MUC20: variants seen among roughly 807,000 people sequenced by gnomAD.
MUC20 encodes mucin-20.
MUC20 carries 14 observed loss-of-function variants against 23.8 expected under a neutral mutation model. The ratio of observed to expected loss-of-function variants is 0.59; its 90% confidence interval spans 0.39 to 0.92. The LOEUF is 0.92. Ranked by LOEUF, MUC20 falls within the 40% of genes least tolerant of loss-of-function variation. The pLI, the probability that MUC20 is intolerant of heterozygous loss-of-function variation, is 0.00. For synonymous variants in MUC20, 166 were observed against 279.3 expected (o/e 0.59, Z 4.04); for missense variants, 375 against 668.8 (o/e 0.56, Z 4.85).
chr3:195,726,732 C>A (rs781257181), intron 2 of MUC20, among the ~76,000 whole-genome samples, 160 bp downstream of exon 2: 5 of 152,212 alleles, frequency 3.3e-5, no homozygotes, highest in Admixed American at 3.3e-4. Context: ...TTGGCGAAAT[C>A]AGGAAAAGGC....
At chr3:195,730,423 G>T (rs1006396119) in intron 3 of MUC20, among the ~76,000 whole-genome samples, 1 of 152,226 alleles carries the variant, frequency 6.6e-6, no homozygotes, top group African/African-American at 2.4e-5. Context: ...TCAGCTCACT[G>T]CAAGCTCCGC....
intron 2 of MUC20, among the ~76,000 whole-genome samples, chr3:195,728,253 C>T (rs572110394): frequency 1.3e-5 from 2 of 152,280 alleles, no homozygotes; most frequent in Non-Finnish European, 2.9e-5. Context: ...GCACCGGCAC[C>T]AGTCTCTGAG....
Position 195,726,448 on chromosome 3 carries a change from C to A in MUC20, c.1845C>A (p.Thr615=), listed in dbSNP as rs376180538. The change falls in exon 2 of 4, where the codon ACC becomes ACA. Residue 615 remains threonine (T), a synonymous_variant. Coordinates refer to ENST00000447234, the MANE Select transcript of MUC20 (RefSeq NM_001282506.2). ...TTCCTTCTGTCCCTCCGACTACAAC[C>A]AACAGCAGCCGAGGGACGAACAGCA... ...DPLPSVPPTT[T]NSSRGTNSTL... is the part of the protein sequence containing the mutation. 166 of 1,614,040 alleles carry A rather than the reference C, an allele frequency of 1.0e-4. No individual in the cohort carries two copies. Among genetic ancestry groups the A allele is most frequent in the Admixed American group, 5.2e-4 (31 of 60,034 alleles).
At chr3:195,728,616 TTCCTCTATCTCAACTGCAAGAGGAGA>T (rs1712999226) in intron 2 of MUC20, among the ~76,000 whole-genome samples, 1 of 151,470 alleles carries the variant, frequency 6.6e-6, no homozygotes, top group African/African-American at 2.4e-5. Context: ...GACAGTGGCC[TTCCTCTATCTCAACTGCAAGAGGAGA>T]TCCTCTTTTA....
chr3:195,729,691 C>G lies in MUC20; in HGVS notation c.2013C>G (p.Ser671=), dbSNP rs1424575559. The G allele has an allele frequency of 3.8e-6, 6 of 1,596,154 alleles. No homozygotes were observed. The South Asian group carries it at 4.5e-5, about 12-fold the overall frequency. The part of the protein sequence containing the change: ...GFLLLRLSVA[S]PEDLTDPRVA... ...TCCTCCTGCGGCTGAGTGTGGCTTC[C>G]CCGGAAGACCTCACTGACCCCAGAG... Residue 671 remains serine, a synonymous_variant, in exon 3 of 4, where the codon TCC becomes TCG. Transcript: ENST00000447234.
At chr3:195,731,400 G>T (rs1713373661) in intron 3 of MUC20, among the ~76,000 whole-genome samples, 1 of 152,260 alleles carries the variant, frequency 6.6e-6, no homozygotes, top group African/African-American at 2.4e-5. Context: ...TGGAGAGTGG[G>T]ATCCTTTGTT....
intron 3 of MUC20, 28 bp from the exon 4 acceptor site, chr3:195,733,122 A>G (rs771017359): frequency 3.5e-5 from 55 of 1,569,084 alleles, no homozygotes; most frequent in Non-Finnish European, 4.4e-5. Context: ...GATGGGCTGA[A>G]AGGACAGCTG....
intron 2 of MUC20, among the ~76,000 whole-genome samples, chr3:195,727,957 G>A (rs184830214): frequency 2.8e-5 from 4 of 143,814 alleles, no homozygotes; most frequent in African/African-American, 1.2e-4. Flanking sequence ...CACCAGCTTT[G>A]CATATGTTAT....
chr3:195,725,965 C>T lies in MUC20; in HGVS notation c.1362C>T (p.Ser454=), dbSNP rs7651458. 6.8e-3 allele frequency: 10,883 copies of T among 1,608,446 alleles called. 65 individuals are homozygous for T. The African/African-American group carries it at 0.13, about 19-fold the overall frequency. The stretch of plus-strand genomic sequence containing the variant: ...CCACGGAAGGGGTGAAGGCCTCGTC[C>T]ACCTCCGATCCACCAGCTCTGCCTG... ...LIPTEGVKAS[S]TSDPPALPDS... The change falls in exon 2 of 4, where the codon TCC becomes TCT. Residue 454 remains serine, a synonymous_variant. Transcript: ENST00000447234.
intron 3 of MUC20, among the ~76,000 whole-genome samples, chr3:195,730,578 C>T (rs1205818811): frequency 6.6e-6 from 1 of 152,130 alleles, no homozygotes; most frequent in East Asian, 1.9e-4. Context: ...TCTCAATCTC[C>T]TGACCTCGTG....
At chr3:195,729,950 T>C in intron 3 of MUC20, 1 of 607,970 alleles carries the variant, frequency 1.6e-6, no homozygotes, top group Non-Finnish European at 2.9e-6. Flanking sequence ...CTCTGCAATG[T>C]AAACATGTGA....
intron 2 of MUC20, among the ~76,000 whole-genome samples, chr3:195,727,381 AG>A (rs1254808772): frequency 3.3e-5 from 5 of 152,250 alleles, no homozygotes; most frequent in Non-Finnish European, 7.3e-5. Flanking sequence ...CAAAAAAAAA[AG>A]GTAAGATAAA....
chr3:195,732,306 G>A (rs566227382), intron 3 of MUC20, among the ~76,000 whole-genome samples: 273 of 152,250 alleles, frequency 1.8e-3, no homozygotes, highest in African/African-American at 5.4e-3. Context: ...CATTGCGTCC[G>A]GCTGGGAAGC....
chr3:195,733,206 C>G lies in MUC20; in HGVS notation c.2118C>G (p.Val706=). ...APHFQVSLLR[V]RRG ...ACTTCCAGGTCTCCTTACTGCGTGT[C>G]AGGAGAGGCTAACGGACATCAGCTG... The change falls in exon 4 of 4, where the codon GTC becomes GTG. Residue 706 remains valine (V), a synonymous_variant. Coordinates refer to ENST00000447234, the MANE Select transcript of MUC20 (RefSeq NM_001282506.2). 6.3e-7 allele frequency: 1 copy of G among 1,593,068 alleles called. No individual in the cohort carries two copies. The highest frequency in any genetic ancestry group is 8.5e-7 in the Non-Finnish European group (1 of 1,170,792).
chr3:195,723,120 A>C (rs1577838275), intron 1 of MUC20, among the ~76,000 whole-genome samples: 1 of 151,636 alleles, frequency 6.6e-6, no homozygotes, highest in East Asian at 1.9e-4. Flanking sequence ...TGGCCTGGCT[A>C]GTAGGAGGCT....
At chr3:195,729,597 T>G in intron 2 of MUC20, 51 bp from the exon 3 acceptor site, 2 of 1,511,274 alleles carry the variant, frequency 1.3e-6, no homozygotes, top group Non-Finnish European at 1.8e-6. Context: ...ATGACAGGTG[T>G]GAGCCACTGC....
At chr3:195,729,168 T>C (rs1713079807) in intron 2 of MUC20, among the ~76,000 whole-genome samples, 1 of 152,264 alleles carries the variant, frequency 6.6e-6, no homozygotes, top group Admixed American at 6.5e-5. Context: ...TACGAAAAGG[T>C]TCACCATAAA....
chr3:195,730,988 G>A (rs972024631), intron 3 of MUC20, among the ~76,000 whole-genome samples: 1 of 152,242 alleles, frequency 6.6e-6, no homozygotes, highest in African/African-American at 2.4e-5. Context: ...GCCTCACTGA[G>A]GGGTGGGTTG....
chr3:195,728,641 G>C (rs116470706), intron 2 of MUC20, among the ~76,000 whole-genome samples: 4 of 104,924 alleles, frequency 3.8e-5, no homozygotes, highest in East Asian at 1.2e-3. Flanking sequence ...TGCAAGAGGA[G>C]ATCCTCTTTT....
Sources: allele counts gnomAD v4.1 joint callset (sites outside exome capture counted in the v4.1 genomes callset), GRCh38; gene constraint gnomAD v4.1.1; transcripts MANE v1.5; gene names NCBI Gene and HGNC (gene_info 2026-07-23, HGNC 2026-07-21).